RAPGEF4: variants seen among roughly 807,000 people sequenced by gnomAD.
The protein encoded by RAPGEF4 is RAP guanine-nucleotide-exchange factor (GEF) 4.
A neutral mutation model predicts 147.9 loss-of-function variants in RAPGEF4; 66 were observed. The ratio of observed to expected loss-of-function variants is 0.45; its 90% CI spans 0.37 to 0.55. The LOEUF (loss-of-function observed/expected upper bound fraction) is 0.55, where lower values mean the gene tolerates loss of function less well. RAPGEF4 is among the 20% of genes least tolerant of loss of function. The pLI is 0.00. For synonymous variants in RAPGEF4, 419 were observed against 442.7 expected (o/e 0.95, Z 0.67); for missense variants, 1,071 against 1,257.3 (o/e 0.85, Z 2.24).
chr2:172,987,699 C>T (rs924924241), intron 12 of RAPGEF4, among the ~76,000 whole-genome samples: 3 of 152,226 alleles, frequency 2.0e-5, no homozygotes, highest in Admixed American at 1.3e-4. Flanking sequence ...TATGCAAATA[C>T]ACCACTTTAT....
At chr2:172,903,954 C>T (rs573358466) in intron 4 of RAPGEF4, among the ~76,000 whole-genome samples, 2 of 152,248 alleles carry the variant, frequency 1.3e-5, no homozygotes, top group South Asian at 4.2e-4. Flanking sequence ...GGCATGCCAC[C>T]CTTGGAGCAG....
At position 172,797,606 on chromosome 2, in the gene RAPGEF4, G is replaced by A. The variant is rs1574868684; in HGVS notation, c.290G>A (p.Ser97Asn). 18 of 1,611,700 alleles carry A rather than the reference G, an allele frequency of 1.1e-5. No homozygotes were observed. In the East Asian group the frequency reaches 4.0e-4, roughly 36 times the overall value. The change falls in exon 3 of 31, where the codon AGT (serine) becomes AAT (asparagine). Residue 97 changes from serine to asparagine, a missense_variant. Coordinates refer to ENST00000397081, the MANE Select transcript of RAPGEF4 (RefSeq NM_007023.4). ...SLDVKVSETS[S>N]HQDAVTICTL... Reference sequence around the variant, plus strand: ...GATGTTAAAGTATCTGAGACCAGCAGTCACCAGGTAATATGGTCTATTTTT... The same window carrying A: ...GATGTTAAAGTATCTGAGACCAGCAATCACCAGGTAATATGGTCTATTTTT...
intron 10 of RAPGEF4, among the ~76,000 whole-genome samples, chr2:172,970,181 C>A (rs1204818168): frequency 1.8e-5 from 2 of 112,882 alleles, no homozygotes; most frequent in South Asian, 3.8e-4. Flanking sequence ...ACACACACAC[C>A]CTTTTTTTTT....
chr2:172,735,445 G>A (rs977011834), upstream of RAPGEF4: 2 of 152,326 alleles, frequency 1.3e-5, no homozygotes, highest in African/African-American at 4.8e-5. Context: ...CAGCTGCTGA[G>A]GAAGACTCAT....
chr2:173,034,055 A>G (rs745468781), intron 27 of RAPGEF4, 91 bp downstream of exon 27: 8 of 1,230,062 alleles, frequency 6.5e-6, no homozygotes, highest in African/African-American at 3.0e-5. Flanking sequence ...TGGAAATTTT[A>G]TCTGTCCTTA....
chr2:172,741,185 GTGCTCTCACAGCACACTT>G (rs1322855475), intron 1 of RAPGEF4, among the ~76,000 whole-genome samples: 3 of 152,250 alleles, frequency 2.0e-5, no homozygotes. Context: ...ACCATTACCT[GTGCTCTCACAGCACACTT>G]TGGTCCCACT....
intron 10 of RAPGEF4, among the ~76,000 whole-genome samples, chr2:172,981,208 T>A (rs1691645998): frequency 1.3e-5 from 2 of 152,206 alleles, no homozygotes; most frequent in Admixed American, 1.3e-4. Context: ...CTAGGAGGGT[T>A]CCCTGTTATT....
At chr2:173,006,631 G>T (rs12473597) in intron 17 of RAPGEF4, among the ~76,000 whole-genome samples, 68,436 of 151,984 alleles carry the variant, frequency 0.45, 16,397 homozygotes, top group East Asian at 0.89. Flanking sequence ...TAGGGTCCCT[G>T]TCATAAAAAT....
At chr2:172,938,035 T>G (rs1055396179) in intron 6 of RAPGEF4, among the ~76,000 whole-genome samples, 1 of 152,158 alleles carries the variant, frequency 6.6e-6, no homozygotes, top group African/African-American at 2.4e-5. Flanking sequence ...TTCTCGGCTC[T>G]AGTCCCAGAG....
intron 6 of RAPGEF4, among the ~76,000 whole-genome samples, chr2:172,932,796 A>G (rs2150098041): frequency 6.6e-6 from 1 of 152,302 alleles, no homozygotes; most frequent in African/African-American, 2.4e-5. Flanking sequence ...TCACCCTCAT[A>G]CTGAACATGT....
intron 21 of RAPGEF4, 134 bp downstream of exon 21, chr2:173,017,638 T>G (rs1162558581): frequency 5.2e-6 from 4 of 770,368 alleles, no homozygotes; most frequent in Non-Finnish European, 8.2e-6. Flanking sequence ...TGCTTGGAGG[T>G]GCCCTTTGGT....
At chr2:173,035,218 A>G (rs1386421604) in intron 27 of RAPGEF4, among the ~76,000 whole-genome samples, 4 of 151,700 alleles carry the variant, frequency 2.6e-5, no homozygotes, top group African/African-American at 9.7e-5. Flanking sequence ...TTTAAAAAAC[A>G]GGGGTCTCGG....
At chr2:172,978,743 C>G (rs1420161535) in intron 10 of RAPGEF4, among the ~76,000 whole-genome samples, 5 of 152,232 alleles carry the variant, frequency 3.3e-5, no homozygotes, top group African/African-American at 1.2e-4. Context: ...ATTCTTGTTT[C>G]TCAGACATTC....
Position 172,868,667 on chromosome 2 carries a change from G to A in RAPGEF4, c.445-49135G>A, listed in dbSNP as rs1694892131. 1.3e-5 allele frequency among the ~76,000 whole-genome samples: 2 copies of A among 152,226 alleles called. 1 individual carries two copies. The highest frequency in any genetic ancestry group is 4.1e-4 in the South Asian group (2 of 4,830). On this transcript the variant is annotated intron_variant, in intron 4 of 30. Coordinates refer to ENST00000397081, the MANE Select transcript of RAPGEF4 (RefSeq NM_007023.4). ...TATTAATTCAGAGGACAGAATCATAGTTCTAGCTTCATCTTAATTAAGTGG... is the reference window on the plus strand; with the variant it reads ...TATTAATTCAGAGGACAGAATCATAATTCTAGCTTCATCTTAATTAAGTGG...
At chr2:172,821,928 T>C (rs754629739) in intron 4 of RAPGEF4, 16 of 1,613,566 alleles carry the variant, frequency 9.9e-6, no homozygotes, top group Non-Finnish European at 1.1e-5. Flanking sequence ...GCTCACTGGA[T>C]GTCTGAGAAC....
chr2:172,788,892 TAAATA>T (rs137917661), intron 1 of RAPGEF4, among the ~76,000 whole-genome samples: 1 of 150,584 alleles, frequency 6.6e-6, no homozygotes, highest in Non-Finnish European at 1.5e-5. Flanking sequence ...AGACCCTATC[TAAATA>T]AAATAAAATA....
chr2:172,931,172 T>TGGC (rs1553533369), intron 6 of RAPGEF4, among the ~76,000 whole-genome samples: 1 of 6,378 alleles, frequency 1.6e-4, no homozygotes, highest in East Asian at 7.7e-3. Flanking sequence ...CAGGCCGGGG[T>TGGC]GGGGGGGGGG....
Position 172,814,665 on chromosome 2 carries a change from A to C in RAPGEF4, c.444+240A>C. The C allele has an allele frequency of 5.9e-6, 3 of 508,552 alleles. No homozygotes were observed. In the East Asian group the frequency reaches 1.1e-4, roughly 19 times the overall value. 31.5% of individuals were successfully genotyped at this position (508,552 alleles called of 1,614,324 possible). A position where few individuals can be genotyped will look rare whatever the true frequency, so the allele number is the denominator to read the frequency against. ...TTTCTGTAGTTTGACATACCTTATA[A>C]TTATTTCTTGAATGACCATAGAGTG... is the stretch of plus-strand genomic sequence containing the variant. On this transcript the variant is annotated intron_variant, in intron 4 of 30. Coordinates refer to ENST00000397081, the MANE Select transcript of RAPGEF4 (RefSeq NM_007023.4).
At chr2:173,028,241 C>T (rs1429024502) in intron 25 of RAPGEF4, among the ~76,000 whole-genome samples, 1 of 152,206 alleles carries the variant, frequency 6.6e-6, no homozygotes, top group African/African-American at 2.4e-5. Flanking sequence ...TTAAGAAAGG[C>T]TTGGTAAAAT....
Sources: gnomAD v4.1 joint callset for allele counts (sites outside exome capture counted in the v4.1 genomes callset) on GRCh38, gnomAD v4.1.1 for gene constraint, MANE v1.5 for transcripts, NCBI Gene and HGNC (gene_info 2026-07-23, HGNC 2026-07-21) for gene names.